Variants in CNGA1 observed in about 807,000 individuals in gnomAD.
CNGA1 encodes cyclic nucleotide-gated channel alpha-1.
Under a neutral mutation model 69.7 loss-of-function variants are expected in CNGA1, and 53 were observed. That is an observed-to-expected ratio of 0.76 (90% CI 0.61 to 0.96). CNGA1 has a LOEUF of 0.96. CNGA1 is among the 40% of genes least tolerant of loss of function. CNGA1 has a pLI of 0.00. For synonymous variants in CNGA1, 249 were observed against 283.5 expected (o/e 0.88, Z 1.22); for missense variants, 739 against 811.2 (o/e 0.91, Z 1.08).
chr4:47,980,830 G>A (rs2110216833), intron 3 of CNGA1, among the ~76,000 whole-genome samples: 1 of 151,742 alleles, frequency 6.6e-6, no homozygotes, highest in South Asian at 2.1e-4. Flanking sequence ...TTAAAAGAAG[G>A]CAAGGTGATT....
intron 2 of CNGA1, among the ~76,000 whole-genome samples, chr4:47,992,414 T>G (rs189551105): frequency 2.0e-5 from 3 of 150,294 alleles, no homozygotes; most frequent in Admixed American, 6.6e-5. Flanking sequence ...AGTATTTTGG[T>G]TTTTTTGCAG....
rs1715401738 is a variant in CNGA1, at chr4:48,016,658, G to A, written c.-398C>T. 2 of 570,980 alleles carry A rather than the reference G, an allele frequency of 3.5e-6. No homozygotes were observed. Among genetic ancestry groups the A allele is most frequent in the East Asian group, 3.3e-5 (1 of 30,706 alleles). 35.4% of individuals were successfully genotyped at this position (570,980 alleles called of 1,614,324 possible). A position where few individuals can be genotyped will look rare whatever the true frequency, so the allele number is the denominator to read the frequency against. On this transcript the variant is annotated 5_prime_UTR_variant, in exon 1 of 11. Coordinates refer to ENST00000514170, the MANE Select transcript of CNGA1 (RefSeq NM_001379270.1). The stretch of plus-strand genomic sequence containing the variant: ...GCCCTGAGAATTCGCAACAAGCCCC[G>A]GGCAGCAGGGCTCGGCTGGCGCTGA...
chr4:47,994,737 T>G (rs1742410210), intron 2 of CNGA1, among the ~76,000 whole-genome samples: 2 of 152,090 alleles, frequency 1.3e-5, no homozygotes, highest in Admixed American at 1.3e-4. Flanking sequence ...ATACTTTGGT[T>G]TTTTGTTTTT....
chr4:47,958,627 A>G (rs1740237005), intron 3 of CNGA1, among the ~76,000 whole-genome samples: 1 of 152,100 alleles, frequency 6.6e-6, no homozygotes, highest in Non-Finnish European at 1.5e-5. Flanking sequence ...GCCTCAAAAA[A>G]AAAAAAAATA....
intron 1 of CNGA1, among the ~76,000 whole-genome samples, chr4:48,011,751 G>A (rs529411675): frequency 6.6e-6 from 1 of 152,256 alleles, no homozygotes; most frequent in South Asian, 2.1e-4. Flanking sequence ...AGGTGGGTGT[G>A]GGGGGCTTCC....
intron 3 of CNGA1, among the ~76,000 whole-genome samples, chr4:47,964,890 C>G (rs1307147633): frequency 6.6e-6 from 1 of 152,034 alleles, no homozygotes; most frequent in Non-Finnish European, 1.5e-5. Flanking sequence ...TGTATATTAA[C>G]TCTTTACTTT....
At chr4:48,012,056 C>A (rs917207173) in intron 1 of CNGA1, among the ~76,000 whole-genome samples, 2 of 152,154 alleles carry the variant, frequency 1.3e-5, no homozygotes, top group South Asian at 4.1e-4. Flanking sequence ...TGCAGGGCCA[C>A]TTCAAGATAT....
chr4:47,937,701 A>G lies in CNGA1; in HGVS notation c.781T>C (p.Trp261Arg). The change falls in exon 11 of 11, where the codon TGG becomes CGG. Residue 261 changes from tryptophan to arginine, a missense_variant. Coordinates refer to ENST00000514170, the MANE Select transcript of CNGA1 (RefSeq NM_001379270.1). ...TTTAATCTAATTTCTGGATAGTTCCACCCTAACTTAAAATACAGCAAATCA... is the reference window on the plus strand; with the variant it reads ...TTTAATCTAATTTCTGGATAGTTCCGCCCTAACTTAAAATACAGCAAATCA... ...PTDLLYFKLGWNYPEIRLNRL... is the reference protein window; with the variant it reads ...PTDLLYFKLGRNYPEIRLNRL... The G allele has an allele frequency of 1.9e-6, 3 of 1,614,112 alleles. No homozygotes were observed. Among genetic ancestry groups the G allele is most frequent in the Non-Finnish European group, 1.7e-6 (2 of 1,179,996 alleles).
At chr4:47,939,633 C>A (rs1484381426) in intron 10 of CNGA1, among the ~76,000 whole-genome samples, 1 of 152,158 alleles carries the variant, frequency 6.6e-6, no homozygotes, top group Admixed American at 6.5e-5. Flanking sequence ...AGCCCTTAAC[C>A]TGTTGGGCCT....
At chr4:47,963,652 A>G (rs1740578323) in intron 3 of CNGA1, among the ~76,000 whole-genome samples, 1 of 152,208 alleles carries the variant, frequency 6.6e-6, no homozygotes, top group South Asian at 2.1e-4. Context: ...AGTTTAATAA[A>G]CATAATCCTC....
chr4:47,974,940 C>A (rs1291289762), intron 3 of CNGA1, among the ~76,000 whole-genome samples: 1 of 152,062 alleles, frequency 6.6e-6, no homozygotes, highest in Non-Finnish European at 1.5e-5. Flanking sequence ...GATAATAATA[C>A]CTGCTCTGCC....
intron 3 of CNGA1, among the ~76,000 whole-genome samples, chr4:47,976,048 T>TTAAAAAAAAGTCC (rs1741331260): frequency 6.6e-6 from 1 of 150,658 alleles, no homozygotes; most frequent in African/African-American, 2.4e-5. Flanking sequence ...TTGGAAAGTC[T>TTAAAAAAAAGTCC]TAAAAAAAAG....
chr4:47,997,094 C>T (rs564548880), intron 2 of CNGA1, among the ~76,000 whole-genome samples: 19 of 152,200 alleles, frequency 1.2e-4, no homozygotes, highest in Admixed American at 3.3e-4. Flanking sequence ...TATGAAATCA[C>T]GCTAACCTAT....
chr4:47,939,978 G>A (rs1005455770), intron 10 of CNGA1, among the ~76,000 whole-genome samples: 2 of 152,126 alleles, frequency 1.3e-5, no homozygotes, highest in East Asian at 1.9e-4. Flanking sequence ...AGTGTCCTTT[G>A]AGGCTGCATT....
chr4:47,989,071 G>T (rs957725239), intron 2 of CNGA1, among the ~76,000 whole-genome samples: 2 of 152,098 alleles, frequency 1.3e-5, no homozygotes, highest in South Asian at 4.1e-4. Flanking sequence ...CTAGTCAAGA[G>T]TATCACCTTG....
intron 10 of CNGA1, among the ~76,000 whole-genome samples, chr4:47,938,833 T>C (rs1175310983): frequency 1.3e-5 from 2 of 151,770 alleles, no homozygotes; most frequent in Admixed American, 1.3e-4. Flanking sequence ...TCCCAGCACT[T>C]TGGAAGGCTG....
chr4:47,949,697 T>G, intron 6 of CNGA1, 136 bp downstream of exon 6: 1 of 663,580 alleles, frequency 1.5e-6, no homozygotes, highest in African/African-American at 1.8e-5. Context: ...AACAAAATGA[T>G]AAGACTATCA....
intron 2 of CNGA1, among the ~76,000 whole-genome samples, chr4:47,997,712 T>A (rs1478777235): frequency 6.6e-6 from 1 of 152,184 alleles, no homozygotes; most frequent in Admixed American, 6.5e-5. Context: ...CAGATTGTAG[T>A]AATTTTTATA....
At chr4:47,946,071 C>T (rs754774185) in intron 6 of CNGA1, among the ~76,000 whole-genome samples, 9 of 152,128 alleles carry the variant, frequency 5.9e-5, no homozygotes, top group Non-Finnish European at 1.2e-4. Flanking sequence ...GGTGTAAGAC[C>T]GAGGAGAAGC....
Sources: gnomAD v4.1 joint callset for allele counts (sites outside exome capture counted in the v4.1 genomes callset) on GRCh38, gnomAD v4.1.1 for gene constraint, MANE v1.5 for transcripts, NCBI Gene and HGNC (gene_info 2026-07-23, HGNC 2026-07-21) for gene names.